CBLB: variants seen among roughly 807,000 people sequenced by gnomAD.
The protein encoded by CBLB is Cbl proto-oncogene B.
Under a neutral mutation model 104.9 loss-of-function variants are expected in CBLB, and 31 were observed. That is an observed-to-expected ratio of 0.30 (90% CI 0.22 to 0.40). CBLB has a LOEUF of 0.40. CBLB is among the 10% of genes least tolerant of loss of function. CBLB has a pLI of 1.00. For missense variants in CBLB, 1,062 were observed against 1,214.6 expected (o/e 0.87, Z 1.87); for synonymous variants, 440 against 422.6 (o/e 1.04, Z -0.51).
At chr3:105,675,443 C>T (rs2065497862) in intron 17 of CBLB, among the ~76,000 whole-genome samples, 1 of 152,118 alleles carries the variant, frequency 6.6e-6, no homozygotes, top group South Asian at 2.1e-4. Context: ...CTTTGCAAAA[C>T]AATACTCAAA....
chr3:105,861,631 A>T (rs543318636), intron 2 of CBLB, among the ~76,000 whole-genome samples: 2 of 147,898 alleles, frequency 1.4e-5, no homozygotes, highest in Non-Finnish European at 3.0e-5. Context: ...TTTCCCATCA[A>T]TCTTTTTTTT....
At chr3:105,771,226 C>T (rs2078840544) in intron 4 of CBLB, among the ~76,000 whole-genome samples, 2 of 151,998 alleles carry the variant, frequency 1.3e-5, no homozygotes, top group East Asian at 1.9e-4. Flanking sequence ...GATACAAGGA[C>T]AGTTTAACAT....
chr3:105,677,314 CAA>C (rs1046651250), intron 17 of CBLB, among the ~76,000 whole-genome samples: 1 of 143,814 alleles, frequency 7.0e-6, no homozygotes, highest in Non-Finnish European at 1.5e-5. Flanking sequence ...TGTGTCTTAT[CAA>C]ATCTCTTCAA....
At chr3:105,788,286 G>A (rs564967476) in intron 3 of CBLB, among the ~76,000 whole-genome samples, 2 of 152,082 alleles carry the variant, frequency 1.3e-5, no homozygotes, top group South Asian at 4.1e-4. Flanking sequence ...TGGAGCAGAA[G>A]GACAAATTTA....
intron 3 of CBLB, among the ~76,000 whole-genome samples, chr3:105,814,772 T>C (rs1399036904): frequency 1.3e-5 from 2 of 152,132 alleles, no homozygotes; most frequent in African/African-American, 4.8e-5. Context: ...CAAATTTTCA[T>C]AAACACACCT....
intron 3 of CBLB, among the ~76,000 whole-genome samples, chr3:105,817,802 T>C (rs2085277222): frequency 6.6e-6 from 1 of 152,206 alleles, no homozygotes; most frequent in South Asian, 2.1e-4. Context: ...GTGAGAAAGA[T>C]GCTGGTATTT....
intron 9 of CBLB, among the ~76,000 whole-genome samples, chr3:105,720,883 AT>A (rs1286430186): frequency 3.3e-5 from 5 of 152,240 alleles, no homozygotes; most frequent in African/African-American, 1.2e-4. Flanking sequence ...TTTTGCCCTT[AT>A]CTTGCTTTTA....
At chr3:105,777,657 G>A (rs1248974385) in intron 3 of CBLB, among the ~76,000 whole-genome samples, 1 of 152,104 alleles carries the variant, frequency 6.6e-6, no homozygotes, top group Non-Finnish European at 1.5e-5. Flanking sequence ...AATAAATGGA[G>A]AGTCAAATGG....
At chr3:105,678,777 C>G (rs1255741255) in intron 16 of CBLB, among the ~76,000 whole-genome samples, 1 of 152,112 alleles carries the variant, frequency 6.6e-6, no homozygotes, top group Non-Finnish European at 1.5e-5. Context: ...CACACATATA[C>G]ATACATACAT....
intron 3 of CBLB, among the ~76,000 whole-genome samples, chr3:105,817,107 T>C (rs1418478564): frequency 6.6e-6 from 1 of 152,142 alleles, no homozygotes; most frequent in Non-Finnish European, 1.5e-5. Context: ...AAGTCCGTAG[T>C]AGTGAGAAAT....
At chr3:105,757,095 C>T (rs13093260) in intron 4 of CBLB, among the ~76,000 whole-genome samples, 37,497 of 151,982 alleles carry the variant, frequency 0.25, 4,821 homozygotes, top group Non-Finnish European at 0.28. Flanking sequence ...CAAGCAGATG[C>T]TAATACCATG....
intron 4 of CBLB, among the ~76,000 whole-genome samples, chr3:105,770,289 C>T (rs1188539281): frequency 6.6e-6 from 1 of 151,244 alleles, no homozygotes; most frequent in African/African-American, 2.5e-5. Flanking sequence ...ACTCCTAAGT[C>T]CTCAGAGTGC....
chr3:105,676,653 G>C (rs1257668978), intron 17 of CBLB, among the ~76,000 whole-genome samples: 1 of 152,142 alleles, frequency 6.6e-6, no homozygotes, highest in African/African-American at 2.4e-5. Context: ...AAAAAAAATA[G>C]CGAAATACAG....
chr3:105,702,405 G>A lies in CBLB; in HGVS notation c.1648C>T (p.Pro550Ser). ...GGCGGTGGAGGAGGATCTCTTAAGGGAGGAGGTGGTGCTGGGAGTGGTTTA... is the reference window on the plus strand; with the variant it reads ...GGCGGTGGAGGAGGATCTCTTAAGGAAGGAGGTGGTGCTGGGAGTGGTTTA... ...QDKPLPAPPP[P>S]LRDPPPPPPE... The change falls in exon 12 of 19, where the codon CCC becomes TCC. Residue 550 changes from proline to serine, a missense_variant. Around this residue, in one of 2 missense-constraint regions of CBLB, gnomAD observed 605 missense variants for 582.6 expected, o/e 1.04. Transcript: ENST00000394030. 1 of 1,607,038 alleles carries A rather than the reference G, an allele frequency of 6.2e-7. No individual in the cohort carries two copies. The highest frequency in any genetic ancestry group is 1.1e-5 in the South Asian group (1 of 90,918).
intron 3 of CBLB, among the ~76,000 whole-genome samples, chr3:105,832,486 G>T (rs780758863): frequency 2.0e-5 from 3 of 152,166 alleles, no homozygotes; most frequent in East Asian, 1.9e-4. Flanking sequence ...GCATGTGGCT[G>T]TAAGACCCTT....
intron 2 of CBLB, among the ~76,000 whole-genome samples, chr3:105,862,327 T>A (rs970515884): frequency 2.6e-5 from 4 of 152,190 alleles, no homozygotes; most frequent in African/African-American, 9.6e-5. Flanking sequence ...ACCCGCACAC[T>A]TCCTCTTTTC....
Position 105,657,429 on chromosome 3 carries a change from A to C in CBLB, c.*1541T>G, listed in dbSNP as rs1156267804. 4.7e-6 allele frequency: 1 copy of C among 212,726 alleles called. No homozygotes were observed. Among genetic ancestry groups the C allele is most frequent in the Non-Finnish European group, 9.5e-6 (1 of 105,116 alleles). 13.2% of individuals were successfully genotyped at this position (212,726 alleles called of 1,614,324 possible). A position where few individuals can be genotyped will look rare whatever the true frequency, so the allele number is the denominator to read the frequency against. ...ATTTACACAGAGATGATTTTATCTC[A>C]TTTCTCCATTAATTTCCCATTTGAA... is the stretch of plus-strand genomic sequence containing the variant. On this transcript the variant is annotated 3_prime_UTR_variant, in exon 19 of 19. Transcript: ENST00000394030.
intron 3 of CBLB, among the ~76,000 whole-genome samples, chr3:105,806,277 A>G (rs80134242): frequency 3.9e-5 from 6 of 152,188 alleles, no homozygotes; most frequent in African/African-American, 1.4e-4. Context: ...TAATGCATAA[A>G]TGAATACACT....
intron 3 of CBLB, among the ~76,000 whole-genome samples, chr3:105,788,822 A>G (rs2081315302): frequency 6.6e-6 from 1 of 152,230 alleles, no homozygotes; most frequent in Non-Finnish European, 1.5e-5. Flanking sequence ...ATGACGCTAC[A>G]TAAATTTTTG....
Sources: allele counts gnomAD v4.1 joint callset (sites outside exome capture counted in the v4.1 genomes callset), GRCh38; gene constraint gnomAD v4.1.1; regional missense constraint gnomAD v4.1.1; transcripts MANE v1.5; gene names NCBI Gene and HGNC (gene_info 2026-07-23, HGNC 2026-07-21).